LSAMP: variants seen among roughly 807,000 people sequenced by gnomAD.
LSAMP encodes limbic system-associated membrane protein.
In LSAMP, 7 loss-of-function variants were observed where a neutral mutation model predicts 38.6. The observed-to-expected ratio is 0.18, with a 90% CI of 0.10 to 0.34. The LOEUF is 0.34. Ranked by LOEUF, LSAMP falls within the 10% of genes least tolerant of loss-of-function variation. The probability of loss-of-function intolerance (pLI) is 1.00; values close to 1 mark genes in which losing one functional copy is unlikely to be tolerated. For synonymous variants in LSAMP, 154 were observed against 166.8 expected, an observed-to-expected ratio of 0.92 and a Z score of 0.59; for missense variants, 313 against 420.0, an observed-to-expected ratio of 0.75 and a Z score of 2.23.
At chr3:116,439,311 A>AT (rs752859898) in intron 1 of LSAMP, among the ~76,000 whole-genome samples, 5,352 of 130,752 alleles carry the variant, frequency 0.041, 138 homozygotes, top group Non-Finnish European at 0.058. Flanking sequence ...AGGTCCTGAG[A>AT]TTTTGTTGTT....
intron 1 of LSAMP, among the ~76,000 whole-genome samples, chr3:116,424,072 ATG>A (rs768734785): frequency 3.7e-4 from 57 of 152,326 alleles, no homozygotes; most frequent in Admixed American, 9.8e-4. Context: ...GAGTCAGGGA[ATG>A]TGTTTCACTC....
intron 3 of LSAMP, among the ~76,000 whole-genome samples, chr3:116,005,598 C>G (rs973902218): frequency 2.0e-5 from 3 of 152,238 alleles, no homozygotes; most frequent in Non-Finnish European, 2.9e-5. Flanking sequence ...TGACACGCAG[C>G]AGCTGAGTCA....
intron 1 of LSAMP, among the ~76,000 whole-genome samples, chr3:116,354,408 G>C (rs1043263770): frequency 3.3e-5 from 5 of 152,166 alleles, no homozygotes; most frequent in Admixed American, 3.3e-4. Context: ...AGCCTTCACT[G>C]TCTCTACTGC....
intron 1 of LSAMP, among the ~76,000 whole-genome samples, chr3:116,115,427 G>A (rs1240849699): frequency 6.6e-6 from 1 of 152,216 alleles, no homozygotes; most frequent in Non-Finnish European, 1.5e-5. Context: ...TGGTAGCACT[G>A]AGAATGGAAT....
intron 4 of LSAMP, among the ~76,000 whole-genome samples, chr3:115,842,786 G>A (rs9813150): frequency 0.022 from 3,354 of 152,224 alleles, 68 homozygotes; most frequent in Middle Eastern, 0.092. Context: ...TGAAAACATA[G>A]ACTTGGTTTA....
At chr3:115,883,043 A>G (rs1039419837) in intron 3 of LSAMP, among the ~76,000 whole-genome samples, 1 of 152,080 alleles carries the variant, frequency 6.6e-6, no homozygotes, top group Non-Finnish European at 1.5e-5. Context: ...TTGTGCAGAG[A>G]GAATGAAGCA....
chr3:116,070,378 G>C (rs937926297), intron 2 of LSAMP, among the ~76,000 whole-genome samples: 44 of 152,138 alleles, frequency 2.9e-4, no homozygotes, highest in African/African-American at 1.0e-3. Flanking sequence ...TTAAATAAAG[G>C]GGAAAAGAGA....
intron 1 of LSAMP, among the ~76,000 whole-genome samples, chr3:116,337,497 C>T (rs1340216673): frequency 1.3e-5 from 2 of 151,978 alleles, no homozygotes; most frequent in East Asian, 1.9e-4. Context: ...AGCACATAAT[C>T]TCTAACTTTT....
chr3:116,417,447 G>A (rs1384789012), intron 1 of LSAMP, among the ~76,000 whole-genome samples: 6 of 152,200 alleles, frequency 3.9e-5, no homozygotes, highest in African/African-American at 1.4e-4. Context: ...CATCTGTCAG[G>A]ATATTGAGTT....
At chr3:115,975,170 A>G (rs1939145277) in intron 3 of LSAMP, among the ~76,000 whole-genome samples, 1 of 152,136 alleles carries the variant, frequency 6.6e-6, no homozygotes, top group South Asian at 2.1e-4. Context: ...CTGTAATCCC[A>G]GAAGTTTAGA....
intron 1 of LSAMP, among the ~76,000 whole-genome samples, chr3:116,196,067 A>G (rs796112101): frequency 2.6e-5 from 4 of 152,304 alleles, no homozygotes; most frequent in African/African-American, 9.6e-5. Flanking sequence ...CTTTTTTTGC[A>G]TAGAGACTGA....
intron 1 of LSAMP, among the ~76,000 whole-genome samples, chr3:116,107,735 A>G (rs1708501447): frequency 6.6e-6 from 1 of 152,222 alleles, no homozygotes; most frequent in African/African-American, 2.4e-5. Flanking sequence ...TGTCAGGGTC[A>G]GTCCAAGTGA....
intron 3 of LSAMP, among the ~76,000 whole-genome samples, chr3:115,950,798 C>CAAAAAAAAAAAAAAAAAAAAAAA (rs56179163): frequency 1.2e-5 from 1 of 86,728 alleles, no homozygotes; most frequent in Admixed American, 1.2e-4. Flanking sequence ...CAAGACTTAG[C>CAAAAAAAAAAAAAAAAAAAAAAA]AAAAAAAAAA....
At chr3:116,377,801 C>T (rs1048214979) in intron 1 of LSAMP, among the ~76,000 whole-genome samples, 4 of 151,994 alleles carry the variant, frequency 2.6e-5, no homozygotes, top group South Asian at 2.1e-4. Context: ...CAAACACACA[C>T]ACAATACTGG....
At chr3:116,241,995 G>C (rs2046542255) in intron 1 of LSAMP, among the ~76,000 whole-genome samples, 1 of 125,114 alleles carries the variant, frequency 8.0e-6, no homozygotes, top group South Asian at 3.3e-4. Context: ...TACCATAAAA[G>C]TGAGGCTTTC....
rs72947970 is a variant in LSAMP at position 116,272,177 on chromosome 3, C to T, written c.155+172700G>A. Reference sequence around the variant, plus strand: ...ATATATATATATAATAAAAACAACACAGAAACTATGTATGTGCGAATAACA... The same window carrying T: ...ATATATATATATAATAAAAACAACATAGAAACTATGTATGTGCGAATAACA... On this transcript the variant is annotated intron_variant, in intron 1 of 6. Transcript: ENST00000490035. 1.6e-3 allele frequency among the ~76,000 whole-genome samples: 244 copies of T among 151,902 alleles called. 1 individual carries two copies. The highest frequency in any genetic ancestry group is 5.6e-3 in the African/African-American group (233 of 41,392).
intron 3 of LSAMP, among the ~76,000 whole-genome samples, chr3:115,944,276 C>T (rs577553611): frequency 1.3e-5 from 2 of 152,194 alleles, no homozygotes; most frequent in South Asian, 2.1e-4. Context: ...AAGAACATAT[C>T]GACCCTAGGC....
intron 2 of LSAMP, among the ~76,000 whole-genome samples, chr3:116,057,967 A>ACACACACACCCC (rs60594472): frequency 1.3e-4 from 19 of 147,652 alleles, no homozygotes; most frequent in East Asian, 2.0e-4. Context: ...CCACACACAC[A>ACACACACACCCC]CACACACACA....
intron 4 of LSAMP, among the ~76,000 whole-genome samples, chr3:115,849,854 A>T (rs1352565445): frequency 6.6e-6 from 1 of 152,230 alleles, no homozygotes; most frequent in East Asian, 1.9e-4. Flanking sequence ...TCCAAAGGAA[A>T]TTGATAAAAT....
Sources: allele counts gnomAD v4.1 joint callset (sites outside exome capture counted in the v4.1 genomes callset), GRCh38; gene constraint gnomAD v4.1.1; transcripts MANE v1.5; gene names NCBI Gene and HGNC (gene_info 2026-07-23, HGNC 2026-07-21).